JAKMIP3: variants seen among roughly 807,000 people sequenced by gnomAD.
JAKMIP3 encodes the protein janus kinase and microtubule-interacting protein 3.
Under a neutral mutation model 118.5 loss-of-function variants are expected in JAKMIP3, and 58 were observed. That is an observed-to-expected ratio of 0.49 (90% confidence interval 0.40 to 0.61). JAKMIP3 has a LOEUF of 0.61. Among genes scored for constraint, JAKMIP3 ranks in the 20% least tolerant of loss-of-function variants. JAKMIP3 has a pLI of 0.00. For missense variants in JAKMIP3, 950 were observed against 1,109.0 expected, an observed-to-expected ratio of 0.86 and a Z score of 2.04; for synonymous variants, 486 against 451.2, an observed-to-expected ratio of 1.08 and a Z score of -0.98.
intron 3 of JAKMIP3, among the ~76,000 whole-genome samples, chr10:132,120,593 A>G (rs975051234): frequency 6.6e-6 from 1 of 152,364 alleles, no homozygotes; most frequent in Non-Finnish European, 1.5e-5. Context: ...CTCCATGCCC[A>G]TATCACAAGA....
At chr10:132,107,087 G>A (rs1023921462) in intron 2 of JAKMIP3, among the ~76,000 whole-genome samples, 1 of 150,234 alleles carries the variant, frequency 6.7e-6, no homozygotes, top group African/African-American at 2.5e-5. Context: ...TAGAGACTGG[G>A]TCTCGCCATT....
chr10:132,080,303 T>G (rs1490569301), intron 1 of JAKMIP3, among the ~76,000 whole-genome samples: 1 of 152,092 alleles, frequency 6.6e-6, no homozygotes, highest in Non-Finnish European at 1.5e-5. Flanking sequence ...TATTTTTTGG[T>G]TTTTGATCAT....
intron 3 of JAKMIP3, among the ~76,000 whole-genome samples, chr10:132,126,874 T>C (rs2049661454): frequency 2.6e-5 from 4 of 152,218 alleles, no homozygotes; most frequent in Admixed American, 6.5e-5. Context: ...TATATAAGTA[T>C]ACACTGGATT....
chr10:132,129,500 C>T (rs2050181945), intron 3 of JAKMIP3, among the ~76,000 whole-genome samples: 1 of 152,212 alleles, frequency 6.6e-6, no homozygotes, highest in Admixed American at 6.5e-5. Context: ...CTCTCCAAAT[C>T]CCAGCTGCTG....
chr10:132,105,174 A>G (rs1468686767), intron 2 of JAKMIP3, among the ~76,000 whole-genome samples: 2 of 152,218 alleles, frequency 1.3e-5, no homozygotes, highest in African/African-American at 2.4e-5. Flanking sequence ...CGCTGAGCTC[A>G]CAGAAATTAT....
At chr10:132,100,091 A>G (rs1189155172) in intron 1 of JAKMIP3, among the ~76,000 whole-genome samples, 3 of 152,096 alleles carry the variant, frequency 2.0e-5, no homozygotes, top group African/African-American at 7.2e-5. Context: ...GGGCTGATCC[A>G]GGCTCCCCAG....
At chr10:132,069,470 T>A (rs1313320743) in intron 1 of JAKMIP3, among the ~76,000 whole-genome samples, 1 of 152,124 alleles carries the variant, frequency 6.6e-6, no homozygotes, top group Non-Finnish European at 1.5e-5. Context: ...CCAGACAACC[T>A]TCTCAGGGGG....
At chr10:132,145,982 G>A (rs2054524020) in intron 13 of JAKMIP3, among the ~76,000 whole-genome samples, 2 of 152,208 alleles carry the variant, frequency 1.3e-5, no homozygotes, top group South Asian at 2.1e-4. Context: ...CAACGCTTGT[G>A]GGGAAGCTGA....
Position 132,136,889 on chromosome 10 carries a change from G to A in JAKMIP3, c.1117-130G>A, listed in dbSNP as rs1269617111. The stretch of plus-strand genomic sequence containing the variant: ...GCAGCTGGGCTGTTCTGAGGCCTGA[G>A]CAGAGGCCGCCAGCCGGGCAGCTGA... On this transcript the variant is annotated intron_variant, in intron 6 of 23. Coordinates refer to ENST00000684848, the MANE Select transcript of JAKMIP3 (RefSeq NM_001323087.2). The A allele has an allele frequency of 4.0e-6, 4 of 999,890 alleles. No individual in the cohort carries two copies. In the East Asian group the frequency reaches 1.0e-4, roughly 26 times the overall value. The allele number at this position is 999,890 out of a possible 1,614,324, so 61.9% of individuals were successfully genotyped here.
At chr10:132,051,769 C>A (rs2038112661) in intron 1 of JAKMIP3, among the ~76,000 whole-genome samples, 1 of 152,156 alleles carries the variant, frequency 6.6e-6, no homozygotes, top group Admixed American at 6.5e-5. Context: ...TCACACCCAG[C>A]TCATTTTTAT....
chr10:132,049,858 G>A lies in JAKMIP3; in HGVS notation c.-138+13120G>A, dbSNP rs376990766. Among the ~76,000 whole-genome samples, 5 of 152,250 alleles carry A rather than the reference G, an allele frequency of 3.3e-5. No homozygotes were observed. The highest frequency in any genetic ancestry group is 2.1e-4 in the South Asian group (1 of 4,814). On this transcript the variant is annotated intron_variant, in intron 1 of 23. Transcript: ENST00000657785. This position sits in a 1 kb window ranked among gnomAD's most constrained non-coding sequence, Gnocchi z 4.3. ...ATTTTCTTCCATAGTCTTCTGTGAC[G>A]TTTTTGTTTTGGCTATTTTTGATAT... is the stretch of plus-strand genomic sequence containing the variant.
In JAKMIP3 at chr10:132,049,612, C is replaced by T. The variant is rs11593533; in HGVS notation, c.-138+12874C>T. Among the ~76,000 whole-genome samples the T allele has an allele frequency of 0.2, 30,072 of 151,850 alleles. 3,313 individuals are homozygous for T. Among genetic ancestry groups the T allele is most frequent in the Middle Eastern group, 0.28 (82 of 294 alleles). ...TCCTTGAATGCTGTTTGCGTGTGCC[C>T]GGTTCTGTTTGGATGTACAGGTTTC... On this transcript the variant is annotated intron_variant, in intron 1 of 23. Transcript: ENST00000657785. The surrounding 1 kb of genome is among the most constrained non-coding windows in gnomAD (Gnocchi z 4.3).
upstream of JAKMIP3, among the ~76,000 whole-genome samples, chr10:132,060,618 C>T (rs886956598): frequency 6.6e-6 from 1 of 151,980 alleles, no homozygotes; most frequent in South Asian, 2.1e-4. Context: ...AATGATGTTT[C>T]GTGTCATGGA....
intron 1 of JAKMIP3, among the ~76,000 whole-genome samples, chr10:132,046,902 T>A (rs1033517725): frequency 5.3e-5 from 8 of 152,138 alleles, no homozygotes; most frequent in Non-Finnish European, 1.2e-4. Context: ...GATTTTTTTT[T>A]AGTTGAGGTC....
intron 21 of JAKMIP3, among the ~76,000 whole-genome samples, chr10:132,165,417 C>T (rs758574482): frequency 6.6e-6 from 1 of 152,190 alleles, no homozygotes; most frequent in Non-Finnish European, 1.5e-5. Flanking sequence ...GTGTTCACTC[C>T]ATTGTGATTG....
In JAKMIP3 at chr10:132,069,511, G is replaced by A. The variant is rs181141406; in HGVS notation, c.-138+3450G>A. 4.1e-3 allele frequency among the ~76,000 whole-genome samples: 626 copies of A among 152,242 alleles called. 9 individuals carry two copies. Among genetic ancestry groups the A allele is most frequent in the African/African-American group, 0.015 (609 of 41,554 alleles). ...GGGTGTTTTGGTGATGAGCTCCGATGGGGAGGAGTTAGGACTTGGGCTGAA... is the reference window on the plus strand; with the variant it reads ...GGGTGTTTTGGTGATGAGCTCCGATAGGGAGGAGTTAGGACTTGGGCTGAA... On this transcript the variant is annotated intron_variant, in intron 1 of 23. Coordinates refer to ENST00000684848, the MANE Select transcript of JAKMIP3 (RefSeq NM_001323087.2).
At chr10:132,057,603 G>A (rs1025708947) in intron 1 of JAKMIP3, among the ~76,000 whole-genome samples, 2 of 152,236 alleles carry the variant, frequency 1.3e-5, no homozygotes, top group East Asian at 1.9e-4. Flanking sequence ...CGAGGCTGGC[G>A]ATTCCTGTCG....
chr10:132,142,094 C>T, intron 11 of JAKMIP3, 46 bp downstream of exon 11: 1 of 1,546,660 alleles, frequency 6.5e-7, no homozygotes, highest in Non-Finnish European at 8.7e-7. Flanking sequence ...TCGTGCCTTC[C>T]CGCTTGACCC....
chr10:132,166,223 G>A (rs2058886347), intron 21 of JAKMIP3, among the ~76,000 whole-genome samples: 1 of 152,086 alleles, frequency 6.6e-6, no homozygotes, highest in African/African-American at 2.4e-5. Flanking sequence ...TTACTCAGGG[G>A]GCCGAGGTGG....
Sources: gnomAD v4.1 joint callset for allele counts (sites outside exome capture counted in the v4.1 genomes callset) on GRCh38, gnomAD v4.1.1 for gene constraint, Gnocchi (gnomAD v3.1) non-coding constraint, MANE v1.5 for transcripts, NCBI Gene and HGNC (gene_info 2026-07-23, HGNC 2026-07-21) for gene names.